LYRM4: variants seen among roughly 807,000 people sequenced by gnomAD.
LYRM4 encodes LYR motif containing 4.
LYRM4 carries 9 observed loss-of-function variants against 11.7 expected under a neutral mutation model. That is an observed-to-expected ratio of 0.77 (90% CI 0.46 to 1.34). The LOEUF is 1.34. Among genes scored for constraint, LYRM4 ranks in the 40% most tolerant of loss-of-function variants. The probability of loss-of-function intolerance (pLI) is 0.00; values close to 1 mark genes in which losing one functional copy is unlikely to be tolerated. For synonymous variants in LYRM4, 42 were observed against 40.4 expected, an observed-to-expected ratio of 1.04 and a Z score of -0.15; for missense variants, 133 against 112.5, an observed-to-expected ratio of 1.18 and a Z score of -0.82.
chr6:5,166,013 G>GT (rs142502086), intron 2 of LYRM4, among the ~76,000 whole-genome samples: 2,142 of 151,726 alleles, frequency 0.014, 40 homozygotes, highest in South Asian at 0.044. Context: ...TAATTTTAGT[G>GT]TTTTTTTTAA....
At chr6:5,130,255 A>T (rs545220657) in intron 2 of LYRM4, among the ~76,000 whole-genome samples, 2 of 152,308 alleles carry the variant, frequency 1.3e-5, no homozygotes, top group Admixed American at 6.5e-5. Context: ...CTGGAGGCCA[A>T]CGCTGGGATT....
At chr6:5,257,602 C>T (rs749907964) in intron 1 of LYRM4, among the ~76,000 whole-genome samples, 6 of 152,134 alleles carry the variant, frequency 3.9e-5, no homozygotes, top group Admixed American at 1.3e-4. Context: ...TGGGTGAGTG[C>T]GCATTATGGC....
chr6:5,165,596 G>A lies in LYRM4; in HGVS notation c.207+51022C>T, dbSNP rs147192117. 6.5e-3 allele frequency among the ~76,000 whole-genome samples: 976 copies of A among 151,232 alleles called. 7 individuals carry two copies. Among genetic ancestry groups the A allele is most frequent in the African/African-American group, 0.022 (922 of 41,162 alleles). Reference sequence around the variant, plus strand: ...CTCACTCTGTTGCCCAGGCTGGAGTGCAGTGGCGCGATCTCGGCTCACTGC... The same window carrying A: ...CTCACTCTGTTGCCCAGGCTGGAGTACAGTGGCGCGATCTCGGCTCACTGC... On this transcript the variant is annotated intron_variant, in intron 2 of 2. Coordinates refer to ENST00000330636, the MANE Select transcript of LYRM4 (RefSeq NM_020408.6).
the LYRM4 span, among the ~76,000 whole-genome samples, chr6:5,069,380 A>C: frequency 1.3e-5 from 2 of 150,622 alleles, no homozygotes; most frequent in East Asian, 1.9e-4. Context: ...TAAAAAAAAA[A>C]CTAGTCAATC....
chr6:5,142,817 T>C (rs898355384), intron 2 of LYRM4, among the ~76,000 whole-genome samples: 2 of 152,182 alleles, frequency 1.3e-5, no homozygotes, highest in Non-Finnish European at 2.9e-5. Flanking sequence ...CCAGGATGCT[T>C]TCCCTACGCT....
chr6:5,108,898 G>A lies in LYRM4; in HGVS notation c.*525C>T. Reference sequence around the variant, plus strand: ...GTGCACCGTGTATCCCCGTAGCCCTGCCCTACTCCATGCTGCCCCCAGTCT... The same window carrying A: ...GTGCACCGTGTATCCCCGTAGCCCTACCCTACTCCATGCTGCCCCCAGTCT... On this transcript the variant is annotated 3_prime_UTR_variant, in exon 3 of 3. Coordinates refer to ENST00000330636, the MANE Select transcript of LYRM4 (RefSeq NM_020408.6). 1.0e-6 allele frequency: 1 copy of A among 992,784 alleles called. No individual in the cohort carries two copies. Among genetic ancestry groups the A allele is most frequent in the Non-Finnish European group, 1.2e-6 (1 of 833,702 alleles). 61.5% of individuals were successfully genotyped at this position (992,784 alleles called of 1,614,324 possible). A position where few individuals can be genotyped will look rare whatever the true frequency, so the allele number is the denominator to read the frequency against.
the LYRM4 span, among the ~76,000 whole-genome samples, chr6:5,038,918 GAGAGGGAGAGGGAGAGCTTT>G: frequency 9.5e-5 from 1 of 10,562 alleles, no homozygotes; most frequent in African/African-American, 1.9e-4. Context: ...GAGGGAGAGG[GAGAGGGAGAGGGAGAGCTTT>G]AGCTTGTATT....
At chr6:5,209,981 A>G (rs73363065) in intron 2 of LYRM4, among the ~76,000 whole-genome samples, 53 of 152,374 alleles carry the variant, frequency 3.5e-4, no homozygotes, top group African/African-American at 1.2e-3. Context: ...TACTGGTAAC[A>G]CATCTTCTAC....
At chr6:5,085,923 G>A in the LYRM4 span, 270 of 1,529,636 alleles carry the variant, frequency 1.8e-4, no homozygotes, top group African/African-American at 3.8e-4. Flanking sequence ...CCAGCGTGAA[G>A]CACTTCAGCG....
At chr6:5,043,152 T>A in the LYRM4 span, 1 of 152,204 alleles carries the variant, frequency 6.6e-6, no homozygotes, top group Non-Finnish European at 1.5e-5. Context: ...ACATGTACTT[T>A]ACTGACTTCT....
At chr6:5,208,527 T>C (rs17139780) in intron 2 of LYRM4, among the ~76,000 whole-genome samples, 2,719 of 152,272 alleles carry the variant, frequency 0.018, 73 homozygotes, top group African/African-American at 0.062. Flanking sequence ...CTCCAGCACA[T>C]GGAAATACAC....
rs1237760987 is a variant in LYRM4, at chr6:5,108,454, T to C, written c.*969A>G. ...CAAACAATATCTTTATTACCTGTAA[T>C]ATACTTAAAGAGCAGGGGTCCCCAG... On this transcript the variant is annotated 3_prime_UTR_variant, in exon 3 of 3. Transcript: ENST00000330636. 4 of 977,020 alleles carry C rather than the reference T, an allele frequency of 4.1e-6. No homozygotes were observed. In the Admixed American group the frequency reaches 1.8e-4, roughly 45 times the overall value. The allele number at this position is 977,020 out of a possible 1,614,324, so 60.5% of individuals were successfully genotyped here.
chr6:5,054,467 C>T, the LYRM4 span: 1 of 153,788 alleles, frequency 6.5e-6, no homozygotes, highest in Admixed American at 6.5e-5. Context: ...CCTTTACTCT[C>T]AGCTTCCAAT....
chr6:5,241,949 A>G (rs942455228), intron 1 of LYRM4, among the ~76,000 whole-genome samples: 2 of 151,972 alleles, frequency 1.3e-5, no homozygotes, highest in Non-Finnish European at 2.9e-5. Flanking sequence ...AGATCCTCCA[A>G]CCTAAATAAG....
the LYRM4 span, among the ~76,000 whole-genome samples, chr6:5,093,970 T>C: frequency 1.3e-5 from 2 of 152,348 alleles, no homozygotes; most frequent in African/African-American, 4.8e-5. Context: ...GTGGGCCTGA[T>C]GAGGCCCCCA....
At chr6:5,218,197 G>C in intron 1 of LYRM4, 2 of 946,406 alleles carry the variant, frequency 2.1e-6, no homozygotes, top group Non-Finnish European at 2.5e-6. Flanking sequence ...ACACACCACA[G>C]TGCCTGGCTC....
chr6:5,074,397 CTTTTTT>C, the LYRM4 span, among the ~76,000 whole-genome samples: 5 of 76,738 alleles, frequency 6.5e-5, no homozygotes, highest in African/African-American at 2.6e-4. Context: ...AGCACAGGTA[CTTTTTT>C]TTTTTTTTTT....
the LYRM4 span, among the ~76,000 whole-genome samples, chr6:5,083,114 C>T: frequency 3.3e-5 from 5 of 152,152 alleles, no homozygotes; most frequent in African/African-American, 1.2e-4. Flanking sequence ...ACCTGCATGA[C>T]CCTGAGAGTG....
intron 2 of LYRM4, chr6:5,148,101 T>A (rs113963152): frequency 0.041 from 6,279 of 152,736 alleles, 173 homozygotes; most frequent in Middle Eastern, 0.088. Flanking sequence ...AAAGAGCTCT[T>A]GCTCACAGAA....
Sources: gnomAD v4.1 joint callset for allele counts (sites outside exome capture counted in the v4.1 genomes callset) on GRCh38, gnomAD v4.1.1 for gene constraint, MANE v1.5 for transcripts, NCBI Gene and HGNC (gene_info 2026-07-23, HGNC 2026-07-21) for gene names.